Variants in TSC22D1 observed in about 807,000 individuals in gnomAD.
The protein encoded by TSC22D1 is TSC22 domain family member 1.
Under a neutral mutation model 74.2 loss-of-function variants are expected in TSC22D1, and 9 were observed. That is an observed-to-expected ratio of 0.12 (90% confidence interval 0.07 to 0.21). The LOEUF (loss-of-function observed/expected upper bound fraction) is 0.21, where lower values mean the gene tolerates loss of function less well. Among genes scored for constraint, TSC22D1 ranks in the 10% least tolerant of loss-of-function variants. The pLI is 1.00. For synonymous variants in TSC22D1, 586 were observed against 492.5 expected, an observed-to-expected ratio of 1.19 and a Z score of -2.51; for missense variants, 1,427 against 1,304.7, an observed-to-expected ratio of 1.09 and a Z score of -1.44.
rs1874317840 is a variant in TSC22D1 at position 44,434,208 on chromosome 13, G to A, written c.*418C>T. ...TCAAGTTCCTCCTGGGGGGAGGAGA[G>A]GAGAGAGGCGAGTCCAGTGAGGAGC... is the stretch of plus-strand genomic sequence containing the variant. On this transcript the variant is annotated 3_prime_UTR_variant, in exon 3 of 3. Coordinates refer to ENST00000458659, the MANE Select transcript of TSC22D1 (RefSeq NM_183422.4). 10 of 1,444,402 alleles carry A rather than the reference G, an allele frequency of 6.9e-6. No homozygotes were observed. The highest frequency in any genetic ancestry group is 3.2e-5 in the Admixed American group (1 of 31,194). 89.5% of individuals were successfully genotyped at this position (1,444,402 alleles called of 1,614,324 possible).
At chr13:44,538,111 T>A (rs1881258873) in intron 1 of TSC22D1, 1 of 985,212 alleles carries the variant, frequency 1.0e-6, no homozygotes, top group South Asian at 4.7e-5. Context: ...ACAGGCTTAT[T>A]CTAATACTAA....
chr13:44,517,827 G>GTATATATATATATA (rs1278120734), intron 1 of TSC22D1, among the ~76,000 whole-genome samples: 2 of 24,628 alleles, frequency 8.1e-5, no homozygotes, highest in African/African-American at 1.2e-4. Context: ...GTGTGTGTGT[G>GTATATATATATATA]TGTATATATA....
At chr13:44,467,021 G>C (rs950605751) in intron 1 of TSC22D1, among the ~76,000 whole-genome samples, 6 of 152,006 alleles carry the variant, frequency 3.9e-5, no homozygotes, top group Admixed American at 2.6e-4. Flanking sequence ...AAATTAGCCA[G>C]GCATGGTGGT....
At chr13:44,552,527 G>A (rs961632629) in intron 1 of TSC22D1, among the ~76,000 whole-genome samples, 4 of 152,174 alleles carry the variant, frequency 2.6e-5, no homozygotes, top group Non-Finnish European at 5.9e-5. Context: ...ACTAAGGTCT[G>A]CAAACCATTT....
In TSC22D1 at chr13:44,575,261, T is replaced by G; in HGVS notation, c.814A>C (p.Thr272Pro). The change falls in exon 1 of 3, where the codon ACA becomes CCA. Residue 272 changes from threonine to proline, a missense_variant. By Grantham distance (38) the Thr-to-Pro change is conservative. Around this residue, in one of 3 missense-constraint regions of TSC22D1, gnomAD observed 1,343 missense variants for 1,191.5 expected, o/e 1.13. Coordinates refer to ENST00000458659, the MANE Select transcript of TSC22D1 (RefSeq NM_183422.4). ...ACAGCAGAAGTTGGTGCAACTGGTG[T>G]GATACTGTCAGAGCTTCCAGTTGTA... is the stretch of plus-strand genomic sequence containing the variant. ...LSTTGSSDSI[T>P]PVAPTSAVSS... 1.2e-6 allele frequency: 2 copies of G among 1,614,078 alleles called. No homozygotes were observed. The highest frequency in any genetic ancestry group is 1.7e-6 in the Non-Finnish European group (2 of 1,180,034).
upstream of TSC22D1, chr13:44,576,947 G>A (rs946755956): frequency 1.3e-5 from 2 of 152,786 alleles, no homozygotes; most frequent in African/African-American, 4.8e-5. Context: ...CACGTCCTCG[G>A]GGAGGAAGGG....
At chr13:44,508,379 G>A (rs576202870) in intron 1 of TSC22D1, among the ~76,000 whole-genome samples, 1 of 152,250 alleles carries the variant, frequency 6.6e-6, no homozygotes, top group East Asian at 1.9e-4. Context: ...ATGTTCATAC[G>A]TTCTATAAGC....
Position 44,434,685 on chromosome 13 carries a change from GTGGC to G in TSC22D1, c.3159_3162del (p.Gln1053HisfsTer33). On this transcript the variant is annotated frameshift_variant, in exon 3 of 3. Coordinates refer to ENST00000458659, the MANE Select transcript of TSC22D1 (RefSeq NM_183422.4). LOFTEE classifies it high-confidence loss of function. ...TGGGCGGGGGGCTGTGTGGTGCCCT[GTGGC>G]TGGGTGGTGGCAGGGGGGGAGCCAG... 1.2e-6 allele frequency: 2 copies of G among 1,609,060 alleles called. No homozygotes were observed. The highest frequency in any genetic ancestry group is 1.7e-6 in the Non-Finnish European group (2 of 1,178,088).
rs555360848 is a variant in TSC22D1, at chr13:44,530,909, A to T, written c.2912+42254T>A. On this transcript the variant is annotated intron_variant, in intron 1 of 2. Transcript: ENST00000458659. ...TTGCTGATGGGAATGCAAAATGGTAAAGTCACTTTAGAAGACAGTTTGGCA... is the reference window on the plus strand; with the variant it reads ...TTGCTGATGGGAATGCAAAATGGTATAGTCACTTTAGAAGACAGTTTGGCA... Among the ~76,000 whole-genome samples the T allele has an allele frequency of 5.3e-5, 8 of 152,300 alleles. No homozygotes were observed. The East Asian group carries it at 1.5e-3, about 29-fold the overall frequency.
intron 1 of TSC22D1, among the ~76,000 whole-genome samples, chr13:44,462,979 C>T (rs1420159047): frequency 6.6e-6 from 1 of 152,124 alleles, no homozygotes; most frequent in Non-Finnish European, 1.5e-5. Flanking sequence ...GCATATTGCA[C>T]TTACAAAGAG....
At chr13:44,516,024 C>A (rs1319084657) in intron 1 of TSC22D1, among the ~76,000 whole-genome samples, 1 of 152,106 alleles carries the variant, frequency 6.6e-6, no homozygotes, top group Non-Finnish European at 1.5e-5. Flanking sequence ...AGTAGGCAAA[C>A]TTTTCATGTT....
intron 1 of TSC22D1, among the ~76,000 whole-genome samples, chr13:44,486,782 T>C (rs1368351831): frequency 6.6e-6 from 1 of 152,154 alleles, no homozygotes; most frequent in Non-Finnish European, 1.5e-5. Context: ...TGTAATTCAC[T>C]AACAAAATGA....
chr13:44,454,384 A>T (rs1341447304), intron 1 of TSC22D1, among the ~76,000 whole-genome samples: 24 of 152,160 alleles, frequency 1.6e-4, no homozygotes, highest in Non-Finnish European at 2.9e-4. Context: ...CATATATAAC[A>T]ACATCTATGT....
chr13:44,467,614 T>C (rs1325924376), intron 1 of TSC22D1, among the ~76,000 whole-genome samples: 1 of 152,022 alleles, frequency 6.6e-6, no homozygotes, highest in African/African-American at 2.4e-5. Context: ...AAAGAAGATA[T>C]ACAAATGGCC....
chr13:44,480,792 ACTC>A (rs1391378968), intron 1 of TSC22D1, among the ~76,000 whole-genome samples: 1 of 152,054 alleles, frequency 6.6e-6, no homozygotes, highest in Non-Finnish European at 1.5e-5. Flanking sequence ...TACTAACCAC[ACTC>A]CTTTTACATA....
chr13:44,555,709 C>T (rs1010065739), intron 1 of TSC22D1, among the ~76,000 whole-genome samples: 4 of 152,018 alleles, frequency 2.6e-5, no homozygotes, highest in Admixed American at 1.3e-4. Context: ...GTGGCACCCA[C>T]CCATGCAAGA....
chr13:44,500,692 G>T (rs576123590), intron 1 of TSC22D1, among the ~76,000 whole-genome samples: 1 of 151,896 alleles, frequency 6.6e-6, no homozygotes, highest in Admixed American at 6.6e-5. Context: ...GACATGCTTC[G>T]TTTTTGTTTA....
intron 1 of TSC22D1, among the ~76,000 whole-genome samples, chr13:44,571,631 C>T (rs1455739793): frequency 6.6e-6 from 1 of 152,068 alleles, no homozygotes; most frequent in Non-Finnish European, 1.5e-5. Flanking sequence ...AACCTTTTGA[C>T]TTAAAAAACA....
chr13:44,463,278 G>A (rs1308987576), intron 1 of TSC22D1, among the ~76,000 whole-genome samples: 1 of 152,128 alleles, frequency 6.6e-6, no homozygotes, highest in Admixed American at 6.5e-5. Context: ...TCAGCAAACA[G>A]TCCATGGAAA....
Sources: gnomAD v4.1 joint callset for allele counts (sites outside exome capture counted in the v4.1 genomes callset) on GRCh38, gnomAD v4.1.1 for gene constraint, gnomAD v4.1.1 regional missense constraint, MANE v1.5 for transcripts, NCBI Gene and HGNC (gene_info 2026-07-23, HGNC 2026-07-21) for gene names.